The following TFIP11 variants were observed in gnomAD, a reference collection of about 807,000 sequenced individuals.
TFIP11 encodes tuftelin interacting protein 11, also known as tuftelin-interacting protein 11.
Under a neutral mutation model 96.8 loss-of-function variants are expected in TFIP11, and 86 were observed. The observed-to-expected ratio is 0.89, with a 90% CI of 0.75 to 1.06. TFIP11 has a LOEUF of 1.06. Ranked by LOEUF, TFIP11 falls within the 50% of genes least tolerant of loss-of-function variation. The pLI is 0.00. For synonymous variants in TFIP11, 405 were observed against 395.2 expected, an observed-to-expected ratio of 1.02 and a Z score of -0.29; for missense variants, 881 against 1,076.7, an observed-to-expected ratio of 0.82 and a Z score of 2.54.
intron 8 of TFIP11, among the ~76,000 whole-genome samples, chr22:26,501,552 T>C (rs571689482): frequency 8.4e-4 from 127 of 151,930 alleles, no homozygotes; most frequent in African/African-American, 3.0e-3. Flanking sequence ...ATAAACACTT[T>C]GCACTGAGTT....
At chr22:26,511,727 C>A (rs971364357) in intron 2 of TFIP11, 1 of 152,248 alleles carries the variant, frequency 6.6e-6, no homozygotes, top group Non-Finnish European at 1.5e-5. Context: ...ACTACTTCCA[C>A]AGGCAGTGTC....
chr22:26,509,684 C>T (rs559275812), intron 4 of TFIP11, among the ~76,000 whole-genome samples: 3 of 152,148 alleles, frequency 2.0e-5, no homozygotes, highest in South Asian at 2.1e-4. Flanking sequence ...GGCAAAACCC[C>T]GTCTCTACTA....
chr22:26,508,270 G>A (rs778331666), intron 4 of TFIP11, among the ~76,000 whole-genome samples: 1 of 152,178 alleles, frequency 6.6e-6, no homozygotes, highest in Non-Finnish European at 1.5e-5. Flanking sequence ...GAGTCAGATA[G>A]GTCCAGGTTC....
At chr22:26,500,957 C>T (rs1277429984) in intron 8 of TFIP11, among the ~76,000 whole-genome samples, 1 of 145,806 alleles carries the variant, frequency 6.9e-6, no homozygotes, top group East Asian at 2.0e-4. Context: ...GATTTCCGCT[C>T]ACTGCAAGCT....
chr22:26,500,318 C>T (rs749649095), intron 8 of TFIP11, among the ~76,000 whole-genome samples: 1 of 151,914 alleles, frequency 6.6e-6, no homozygotes, highest in Non-Finnish European at 1.5e-5. Context: ...TACAGGCGCC[C>T]GTCACTACAC....
In TFIP11 at chr22:26,499,530, T is replaced by C. The variant is rs112762859; in HGVS notation, c.903A>G (p.Gln301=). Residue 301 remains glutamine (Q), a synonymous_variant, in exon 9 of 15, where the codon CAA becomes CAG. Coordinates refer to ENST00000407690, the MANE Select transcript of TFIP11 (RefSeq NM_012143.4). ...VPDDGLPLQS[Q]QLPQSGKEAK... is the part of the protein sequence containing the mutation. The stretch of plus-strand genomic sequence containing the variant: ...CCTCTTTGCCAGACTGTGGCAGCTG[T>C]TGGGACTGTAGCGGCAGCCCATCAT... 3.7e-4 allele frequency: 595 copies of C among 1,614,222 alleles called. 3 individuals are homozygous for C. In the African/African-American group the frequency reaches 6.4e-3, roughly 17 times the overall value.
chr22:26,510,303 G>T, intron 3 of TFIP11, 22 bp from the exon 4 acceptor site: 1 of 1,611,024 alleles, frequency 6.2e-7, no homozygotes, highest in Non-Finnish European at 8.5e-7. Context: ...GACAAAAAGA[G>T]CACAGGCCGT....
rs1182109941 is a variant in TFIP11 at position 26,510,215 on chromosome 22, C to T, written c.58G>A (p.Glu20Lys). ...TCAGTGATCTCAAAGTTCTCCCGCT[C>T]GTCATCATCATCATCAATGCGGCCT... ...GEGRIDDDDD[E>K]RENFEITDWD... Residue 20 changes from glutamate (E) to lysine (K), a missense_variant, in exon 4 of 15, where the codon GAG becomes AAG. Transcript: ENST00000407690. The T allele has an allele frequency of 1.2e-6, 2 of 1,613,924 alleles. No homozygotes were observed. The highest frequency in any genetic ancestry group is 4.5e-5 in the East Asian group (2 of 44,880).
intron 8 of TFIP11, among the ~76,000 whole-genome samples, chr22:26,500,080 A>C (rs528982113): frequency 6.6e-6 from 1 of 152,338 alleles, no homozygotes; most frequent in East Asian, 1.9e-4. Context: ...TCTTGGAAGG[A>C]TGGAAAATAT....
In TFIP11 at chr22:26,496,189, A is replaced by G; in HGVS notation, c.1733T>C (p.Leu578Pro). ...SPIRSKLSSA[L>P]QKWHPSDSSA... ...GGAGTCGCTGGGGTGCCACTTCTGC[A>G]GGGCGCTGGACAGCTTACTACGGAT... Residue 578 changes from leucine to proline, a missense_variant, in exon 12 of 15, where the codon CTG becomes CCG. Coordinates refer to ENST00000407690, the MANE Select transcript of TFIP11 (RefSeq NM_012143.4). The G allele has an allele frequency of 6.2e-7, 1 of 1,613,938 alleles. No individual in the cohort carries two copies. Among genetic ancestry groups the G allele is most frequent in the Non-Finnish European group, 8.5e-7 (1 of 1,180,022 alleles).
chr22:26,491,914 AAAG>A lies in TFIP11; in HGVS notation c.*96_*98del. 5 of 1,240,696 alleles carry A rather than the reference AAAG, an allele frequency of 4.0e-6. No homozygotes were observed. The highest frequency in any genetic ancestry group is 5.6e-6 in the Non-Finnish European group (5 of 894,216). 76.9% of individuals were successfully genotyped at this position (1,240,696 alleles called of 1,614,324 possible). A position where few individuals can be genotyped will look rare whatever the true frequency, so the allele number is the denominator to read the frequency against. On this transcript the variant is annotated 3_prime_UTR_variant, in exon 15 of 15. Coordinates refer to ENST00000407690, the MANE Select transcript of TFIP11 (RefSeq NM_012143.4). The stretch of plus-strand genomic sequence containing the variant: ...GCCTGATGTGGAGTAGCTCCTGAGT[AAAG>A]AAGTTACCCTTTTGAAGGTGATCTA...
At chr22:26,511,036 T>C (rs1923987667) in intron 2 of TFIP11, 3 of 152,254 alleles carry the variant, frequency 2.0e-5, no homozygotes, top group African/African-American at 4.8e-5. Flanking sequence ...TTAATCATTG[T>C]ATTAGTCAGG....
intron 5 of TFIP11, 97 bp from the exon 6 acceptor site, chr22:26,506,556 AG>A: frequency 6.8e-7 from 1 of 1,461,642 alleles, no homozygotes; most frequent in African/African-American, 1.4e-5. Flanking sequence ...TAAGTTATAC[AG>A]CACTATGAAA....
intron 9 of TFIP11, 55 bp downstream of exon 9, chr22:26,499,049 G>A (rs1408630706): frequency 1.9e-6 from 3 of 1,608,918 alleles, no homozygotes; most frequent in African/African-American, 1.3e-5. Context: ...AACTCATCAA[G>A]CAAGGGTAAG....
At chr22:26,502,648 G>T (rs1274457064) in intron 7 of TFIP11, among the ~76,000 whole-genome samples, 1 of 152,116 alleles carries the variant, frequency 6.6e-6, no homozygotes, top group African/African-American at 2.4e-5. Context: ...AGTTGGTTTT[G>T]GGGTTGTCAC....
rs1270332129 is a variant in TFIP11 at position 26,496,610 on chromosome 22, A to G, written c.1605+111T>C. ...ACACTATAGGTCAATAGTTGTGTTG[A>G]CAAATTCCGTTAATTCCAGGCGTTT... On this transcript the variant is annotated intron_variant, in intron 11 of 14. Transcript: ENST00000407690. The G allele has an allele frequency of 5.8e-6, 8 of 1,379,916 alleles. No individual in the cohort carries two copies. The African/African-American group carries it at 7.2e-5, about 12-fold the overall frequency. 85.5% of individuals were successfully genotyped at this position (1,379,916 alleles called of 1,614,324 possible).
chr22:26,509,248 T>C (rs1323318564), intron 4 of TFIP11, among the ~76,000 whole-genome samples: 1 of 152,226 alleles, frequency 6.6e-6, no homozygotes, highest in Non-Finnish European at 1.5e-5. Flanking sequence ...GATACCGTGA[T>C]GCTTCCCATC....
chr22:26,496,719 A>G lies in TFIP11; in HGVS notation c.1605+2T>C, dbSNP rs201392404. 15 of 1,613,282 alleles carry G rather than the reference A, an allele frequency of 9.3e-6. No homozygotes were observed. The highest frequency in any genetic ancestry group is 3.4e-6 in the Non-Finnish European group (4 of 1,179,532). On this transcript the variant is annotated splice_donor_variant, in intron 11 of 14. Transcript: ENST00000407690. LOFTEE classifies it high-confidence loss of function. ...GACTGTTTCCCATGACTCTCATCCCACCTCCTTTTGCAGCTTGGGGAAGAT... is the reference window on the plus strand; with the variant it reads ...GACTGTTTCCCATGACTCTCATCCCGCCTCCTTTTGCAGCTTGGGGAAGAT...
At chr22:26,506,985 C>T in intron 4 of TFIP11, 57 bp from the exon 5 acceptor site, 5 of 1,574,550 alleles carry the variant, frequency 3.2e-6, no homozygotes, top group South Asian at 2.3e-5. Context: ...TTCTCTGCAG[C>T]GATCCTTTTG....
Sources: allele counts gnomAD v4.1 joint callset (sites outside exome capture counted in the v4.1 genomes callset), GRCh38; gene constraint gnomAD v4.1.1; transcripts MANE v1.5; gene names NCBI Gene and HGNC (gene_info 2026-07-23, HGNC 2026-07-21).